The following RELT variants were observed in gnomAD, a reference collection of about 807,000 sequenced individuals.
RELT encodes RELT TNF receptor.
In RELT, 37 loss-of-function variants were observed where a neutral mutation model predicts 51.1. The ratio of observed to expected loss-of-function variants is 0.72; its 90% CI spans 0.56 to 0.95. The LOEUF is 0.95. Ranked by LOEUF, RELT falls within the 40% of genes least tolerant of loss-of-function variation. The pLI, the probability that RELT is intolerant of heterozygous loss-of-function variation, is 0.00. For missense variants in RELT, 535 were observed against 572.6 expected, an observed-to-expected ratio of 0.93 and a Z score of 0.67; for synonymous variants, 241 against 235.7, an observed-to-expected ratio of 1.02 and a Z score of -0.21.
Position 73,390,928 on chromosome 11 carries a change from C to T in RELT, c.287+7C>T, listed in dbSNP as rs370314860. 6.2e-6 allele frequency: 10 copies of T among 1,610,266 alleles called. No individual in the cohort carries two copies. The African/African-American group carries it at 1.2e-4, about 19-fold the overall frequency. ...GTGGAGACTGCTGGCCTGGGTAAGC[C>T]AAAGGGAGTGCGGGGAGGGCTCCTG... On this transcript the variant is annotated splice_region_variant and intron_variant, in intron 4 of 10. Transcript: ENST00000064780.
At position 73,390,739 on chromosome 11, in the gene RELT, C is replaced by A; in HGVS notation, c.121-16C>A. The A allele has an allele frequency of 6.2e-7, 1 of 1,606,856 alleles. No individual in the cohort carries two copies. The highest frequency in any genetic ancestry group is 8.5e-7 in the Non-Finnish European group (1 of 1,176,664). Reference sequence around the variant, plus strand: ...GCTTGGCTCCTGGCCATGCTCTCACCCTTTACCTCCCACAGGACCCAGGGC... The same window carrying A: ...GCTTGGCTCCTGGCCATGCTCTCACACTTTACCTCCCACAGGACCCAGGGC... On this transcript the variant is annotated splice_polypyrimidine_tract_variant and intron_variant, in intron 3 of 10. Transcript: ENST00000064780.
chr11:73,379,960 G>A (rs1866026144), intron 1 of RELT, among the ~76,000 whole-genome samples: 1 of 152,182 alleles, frequency 6.6e-6, no homozygotes, highest in African/African-American at 2.4e-5. Flanking sequence ...TGCTTTTAAA[G>A]CTTCCCTCTT....
At position 73,394,482 on chromosome 11, in the gene RELT, C is replaced by T. The variant is rs1390847211; in HGVS notation, c.794C>T (p.Pro265Leu). ...TCTGCCTGTGCCCCCTGCAGGCTGC[C>T]GCCAGCGCCCCCGAACGTGCCACAC... ...QTSHRPVSKL[P>L]PAPPNVPHIC... The change falls in exon 9 of 11, where the codon CCG becomes CTG. Residue 265 changes from proline to leucine, a missense_variant. Coordinates refer to ENST00000064780, the MANE Select transcript of RELT (RefSeq NM_152222.2). This position sits in a 1 kb window ranked among gnomAD's most constrained non-coding sequence, Gnocchi z 4.9. The T allele has an allele frequency of 8.1e-6, 13 of 1,609,562 alleles. No homozygotes were observed. The highest frequency in any genetic ancestry group is 2.2e-5 in the East Asian group (1 of 44,808).
intron 5 of RELT, 80 bp from the exon 6 acceptor site, chr11:73,392,131 T>C: frequency 1.3e-6 from 2 of 1,500,274 alleles, no homozygotes; most frequent in South Asian, 2.5e-5. Context: ...CAGCCCCCAC[T>C]GACTCGGGCC....
chr11:73,392,281 G>C lies in RELT; in HGVS notation c.438G>C (p.Gln146His), dbSNP rs1360470075. 1 of 1,613,106 alleles carries C rather than the reference G, an allele frequency of 6.2e-7. No homozygotes were observed. The highest frequency in any genetic ancestry group is 2.2e-5 in the East Asian group (1 of 44,870). Residue 146 changes from glutamine to histidine, a missense_variant, in exon 6 of 11, where the codon CAG (glutamine) becomes CAC (histidine). By Grantham distance (24) the Gln-to-His change is conservative. Transcript: ENST00000064780. ...CCAGCAGCGGTGGTGAGACACGGCA[G>C]CCTGGGAACGGCACCCGGGCAGGTG... ...AGASSGGETR[Q>H]PGNGTRAGGP...
intron 1 of RELT, among the ~76,000 whole-genome samples, chr11:73,381,497 G>A (rs932636711): frequency 2.0e-5 from 3 of 152,148 alleles, no homozygotes; most frequent in African/African-American, 4.8e-5. Flanking sequence ...AAGGGAGACT[G>A]AAAACTGATG....
At chr11:73,395,031 T>C (rs1866288730) in intron 9 of RELT, 56 bp from the exon 10 acceptor site, 2 of 1,481,924 alleles carry the variant, frequency 1.3e-6, no homozygotes, top group East Asian at 2.3e-5. Flanking sequence ...ACGTGCTGCC[T>C]TCTCTGTGCC....
intron 1 of RELT, among the ~76,000 whole-genome samples, chr11:73,377,287 T>C (rs1865983650): frequency 6.6e-6 from 1 of 151,822 alleles, no homozygotes; most frequent in Non-Finnish European, 1.5e-5. Context: ...TGTGTGTGTG[T>C]GTGTGTCTGC....
In RELT at chr11:73,392,223, GGGCCCGACGTGGCGTGGAGGTGGCAGCA is replaced by G. The variant is rs1866227256; in HGVS notation, c.383_410del (p.Ala128GlyfsTer94). Reference sequence around the variant, plus strand: ...CTGTGATGCTCAGAGTGGGGGCGGCGGGCCCGACGTGGCGTGGAGGTGGCAGCAGGGGCCAGCAGCGGTGGTGAGACAC... The same window carrying G: ...CTGTGATGCTCAGAGTGGGGGCGGCGGGGGCCAGCAGCGGTGGTGAGACAC... On this transcript the variant is annotated frameshift_variant, in exon 6 of 11. Transcript: ENST00000064780. LOFTEE classifies it high-confidence loss of function. 1.2e-6 allele frequency: 2 copies of G among 1,611,140 alleles called. No homozygotes were observed. The highest frequency in any genetic ancestry group is 1.7e-6 in the Non-Finnish European group (2 of 1,178,738).
chr11:73,376,850 G>C (rs1332215545), intron 1 of RELT: 2 of 152,376 alleles, frequency 1.3e-5, no homozygotes, highest in Admixed American at 6.5e-5. Flanking sequence ...CCCGGCCCGG[G>C]AAACTTGGAC....
chr11:73,385,798 G>A (rs954523622), intron 1 of RELT, among the ~76,000 whole-genome samples: 33 of 152,310 alleles, frequency 2.2e-4, no homozygotes, highest in Middle Eastern at 3.4e-3. Context: ...AGGCCAAGGC[G>A]AGAGGATCGC....
At chr11:73,387,364 G>A (rs771569760) in intron 1 of RELT, among the ~76,000 whole-genome samples, 14 of 152,234 alleles carry the variant, frequency 9.2e-5, no homozygotes, top group Non-Finnish European at 1.9e-4. Context: ...AAAGGACAGA[G>A]GAGGGGCCAT....
chr11:73,385,387 G>C (rs1866107955), intron 1 of RELT, among the ~76,000 whole-genome samples: 1 of 152,182 alleles, frequency 6.6e-6, no homozygotes, highest in South Asian at 2.1e-4. Context: ...TCGTGGTCTG[G>C]GGCCCTCAGC....
Position 73,394,017 on chromosome 11 carries a change from G to C in RELT, c.706+100G>C. 1 of 1,233,902 alleles carries C rather than the reference G, an allele frequency of 8.1e-7. No homozygotes were observed. The highest frequency in any genetic ancestry group is 1.2e-6 in the Non-Finnish European group (1 of 842,152). 76.4% of individuals were successfully genotyped at this position (1,233,902 alleles called of 1,614,324 possible). On this transcript the variant is annotated intron_variant, in intron 7 of 10. Transcript: ENST00000064780. The surrounding 1 kb of genome is among the most constrained non-coding windows in gnomAD (Gnocchi z 4.9). The stretch of plus-strand genomic sequence containing the variant: ...GGTGGGCAGAGTCTTGCCCTGCTCT[G>C]CCTTCCCTGCCAGGGTGCCTCAAGC...
At chr11:73,382,668 G>A (rs958024714) in intron 1 of RELT, among the ~76,000 whole-genome samples, 1 of 152,182 alleles carries the variant, frequency 6.6e-6, no homozygotes, top group African/African-American at 2.4e-5. Flanking sequence ...GTTGTTACAG[G>A]CTACCACTTG....
intron 4 of RELT, 102 bp downstream of exon 4, chr11:73,391,023 C>A: frequency 6.5e-7 from 1 of 1,533,212 alleles, no homozygotes; most frequent in Non-Finnish European, 8.9e-7. Context: ...TCATTCTTCC[C>A]ATCTGTGAAA....
intron 6 of RELT, 125 bp from the exon 7 acceptor site, chr11:73,393,712 C>A: frequency 6.4e-7 from 1 of 1,565,036 alleles, no homozygotes; most frequent in South Asian, 1.1e-5. Context: ...GGAGGCTTGT[C>A]ACCTAAATGC....
chr11:73,393,511 T>C, intron 6 of RELT: 6 of 1,259,488 alleles, frequency 4.8e-6, no homozygotes, highest in Non-Finnish European at 6.1e-6. Flanking sequence ...TCCTTGAGGC[T>C]GAGGAGGAGA....
At chr11:73,378,150 C>T (rs1375532832) in intron 1 of RELT, among the ~76,000 whole-genome samples, 3 of 152,130 alleles carry the variant, frequency 2.0e-5, no homozygotes, top group Non-Finnish European at 1.5e-5. Flanking sequence ...AGAGCTGGAG[C>T]GGTACCCTTT....
Sources: allele counts gnomAD v4.1 joint callset (sites outside exome capture counted in the v4.1 genomes callset), GRCh38; gene constraint gnomAD v4.1.1; non-coding constraint Gnocchi (gnomAD v3.1); transcripts MANE v1.5; gene names NCBI Gene and HGNC (gene_info 2026-07-23, HGNC 2026-07-21).